The following SGCD variants were observed in gnomAD, a reference collection of about 807,000 sequenced individuals.
SGCD encodes the protein sarcoglycan delta, also known as delta-sarcoglycan.
In SGCD, 18 loss-of-function variants were observed where a neutral mutation model predicts 36.6. The observed-to-expected ratio is 0.49, with a 90% CI of 0.34 to 0.73. SGCD has a LOEUF of 0.73. SGCD is among the 30% of genes least tolerant of loss of function. The probability of loss-of-function intolerance (pLI) is 0.01; values close to 1 mark genes in which losing one functional copy is unlikely to be tolerated. For synonymous variants in SGCD, 133 were observed against 130.6 expected, an observed-to-expected ratio of 1.02 and a Z score of -0.12; for missense variants, 387 against 346.7, an observed-to-expected ratio of 1.12 and a Z score of -0.92.
intron 4 of SGCD, among the ~76,000 whole-genome samples, chr5:156,582,853 T>C (rs1341250650): frequency 1.3e-5 from 2 of 152,074 alleles, no homozygotes; most frequent in African/African-American, 4.8e-5. Flanking sequence ...ACACACACAG[T>C]AGGAGAACCA....
intron 1 of SGCD, among the ~76,000 whole-genome samples, chr5:155,953,471 CT>C (rs1015798443): frequency 6.6e-6 from 1 of 152,114 alleles, no homozygotes; most frequent in Non-Finnish European, 1.5e-5. Flanking sequence ...CCTGCAAAGC[CT>C]GGAAAAGTTT....
At chr5:156,007,221 C>T (rs1287379304) in intron 1 of SGCD, among the ~76,000 whole-genome samples, 4 of 152,250 alleles carry the variant, frequency 2.6e-5, no homozygotes, top group East Asian at 1.9e-4. Context: ...TTCCACTCTG[C>T]TTGGTAAGCA....
At chr5:156,400,138 G>A (rs1459287480) in intron 3 of SGCD, among the ~76,000 whole-genome samples, 5 of 152,254 alleles carry the variant, frequency 3.3e-5, no homozygotes, top group Non-Finnish European at 7.4e-5. Flanking sequence ...GTGAGCATCA[G>A]ACTCACCTGG....
At chr5:155,792,931 T>A in the SGCD span, among the ~76,000 whole-genome samples, 1 of 152,214 alleles carries the variant, frequency 6.6e-6, no homozygotes. Context: ...TAAATGGTTC[T>A]ACCAAAAAGA....
At chr5:156,445,337 C>T (rs1397215187) in intron 3 of SGCD, among the ~76,000 whole-genome samples, 3 of 152,076 alleles carry the variant, frequency 2.0e-5, no homozygotes, top group African/African-American at 7.2e-5. Context: ...AAATCTTGAC[C>T]TCCTATCTGC....
intron 4 of SGCD, among the ~76,000 whole-genome samples, chr5:156,567,822 A>G (rs911396694): frequency 2.6e-5 from 4 of 152,234 alleles, no homozygotes; most frequent in African/African-American, 9.6e-5. Context: ...AAAGCAACCC[A>G]AAGATTGTGG....
chr5:156,086,656 T>C (rs915789937), intron 1 of SGCD, among the ~76,000 whole-genome samples: 1 of 152,116 alleles, frequency 6.6e-6, no homozygotes, highest in Non-Finnish European at 1.5e-5. Context: ...ATTTCATAGG[T>C]GCCTGGATTG....
intron 7 of SGCD, among the ~76,000 whole-genome samples, chr5:156,680,363 C>A (rs1753673579): frequency 6.6e-6 from 1 of 152,158 alleles, no homozygotes; most frequent in Non-Finnish European, 1.5e-5. Flanking sequence ...CCAGCCTGAT[C>A]TCATGATTAC....
chr5:156,443,531 C>T (rs1753597407), intron 3 of SGCD, among the ~76,000 whole-genome samples: 2 of 152,102 alleles, frequency 1.3e-5, no homozygotes, highest in Non-Finnish European at 2.9e-5. Flanking sequence ...AAGCTGAACT[C>T]ATGATCATCT....
chr5:156,392,227 T>C (rs531851236), intron 3 of SGCD, among the ~76,000 whole-genome samples: 5 of 152,294 alleles, frequency 3.3e-5, no homozygotes, highest in Admixed American at 2.6e-4. Flanking sequence ...CAAGCATTTT[T>C]TGAGGTCCAG....
At chr5:156,615,933 G>T (rs1199324094) in intron 6 of SGCD, among the ~76,000 whole-genome samples, 2 of 152,270 alleles carry the variant, frequency 1.3e-5, no homozygotes, top group African/African-American at 4.8e-5. Flanking sequence ...TATAGTCTTG[G>T]CTTGGTGAAT....
At chr5:156,309,099 T>C (rs1718683249) in intron 3 of SGCD, among the ~76,000 whole-genome samples, 1 of 152,208 alleles carries the variant, frequency 6.6e-6, no homozygotes, top group African/African-American at 2.4e-5. Flanking sequence ...TTTGACAGTT[T>C]GATTGTAATT....
chr5:155,988,513 CAGAT>C (rs1323810077), intron 1 of SGCD, among the ~76,000 whole-genome samples: 1 of 152,148 alleles, frequency 6.6e-6, no homozygotes, highest in Non-Finnish European at 1.5e-5. Context: ...GAGTGACAGA[CAGAT>C]AGACAACTAA....
intron 3 of SGCD, among the ~76,000 whole-genome samples, chr5:156,180,263 C>G (rs1763570939): frequency 6.6e-6 from 1 of 152,146 alleles, no homozygotes; most frequent in African/African-American, 2.4e-5. Flanking sequence ...AACCATAATA[C>G]TTAATGGTGA....
the SGCD span, among the ~76,000 whole-genome samples, chr5:155,810,055 A>C: frequency 9.5e-4 from 144 of 152,284 alleles, no homozygotes; most frequent in African/African-American, 3.3e-3. Flanking sequence ...TGTAACAATA[A>C]TTGATGTAGG....
At chr5:155,996,295 C>A (rs1758542982) in intron 1 of SGCD, among the ~76,000 whole-genome samples, 2 of 152,064 alleles carry the variant, frequency 1.3e-5, no homozygotes, top group Non-Finnish European at 2.9e-5. Context: ...TCACCCTCAC[C>A]CAGGCCCCAG....
intron 1 of SGCD, among the ~76,000 whole-genome samples, chr5:155,928,288 T>G (rs1303667092): frequency 6.6e-6 from 1 of 152,188 alleles, no homozygotes; most frequent in African/African-American, 2.4e-5. Context: ...CAGAGGAGGA[T>G]ATCATGTTTG....
chr5:156,668,518 C>A (rs1259611149), intron 7 of SGCD, among the ~76,000 whole-genome samples: 1 of 152,198 alleles, frequency 6.6e-6, no homozygotes, highest in Non-Finnish European at 1.5e-5. Flanking sequence ...TTTCCATCTT[C>A]TCCCTTGATA....
intron 4 of SGCD, among the ~76,000 whole-genome samples, chr5:156,529,173 TC>T (rs1196450436): frequency 6.6e-6 from 1 of 152,022 alleles, no homozygotes; most frequent in African/African-American, 2.4e-5. Flanking sequence ...ACGTCTGTAA[TC>T]CCAGCACTTT....
Sources: allele counts gnomAD v4.1 joint callset (sites outside exome capture counted in the v4.1 genomes callset), GRCh38; gene constraint gnomAD v4.1.1; transcripts MANE v1.5; gene names NCBI Gene and HGNC (gene_info 2026-07-23, HGNC 2026-07-21).